Variants in MGAT4C observed in about 807,000 individuals in gnomAD.
The protein encoded by MGAT4C is alpha-1,3-mannosyl-glycoprotein 4-beta-N-acetylglucosaminyltransferase C.
MGAT4C carries 19 observed loss-of-function variants against 40.1 expected under a neutral mutation model. The observed-to-expected ratio is 0.47, with a 90% CI of 0.33 to 0.70. The LOEUF (loss-of-function observed/expected upper bound fraction) is 0.70, where lower values mean the gene tolerates loss of function less well. MGAT4C is among the 30% of genes least tolerant of loss of function. The pLI is 0.02. For synonymous variants in MGAT4C, 181 were observed against 187.1 expected (o/e 0.97, Z 0.27); for missense variants, 491 against 563.2 (o/e 0.87, Z 1.30).
At chr12:86,641,828 T>G (rs1963399716) in intron 2 of MGAT4C, among the ~76,000 whole-genome samples, 1 of 151,886 alleles carries the variant, frequency 6.6e-6, no homozygotes, top group Non-Finnish European at 1.5e-5. Flanking sequence ...GGAACATTAG[T>G]ATTTAACTAA....
intron 1 of MGAT4C, among the ~76,000 whole-genome samples, chr12:86,213,536 C>T (rs1950562982): frequency 6.6e-6 from 1 of 152,044 alleles, no homozygotes; most frequent in Non-Finnish European, 1.5e-5. Flanking sequence ...TATGTAATAG[C>T]TATTTTTTTA....
chr12:86,464,996 A>C (rs1230965742), intron 2 of MGAT4C, among the ~76,000 whole-genome samples: 2 of 152,128 alleles, frequency 1.3e-5, no homozygotes, highest in Non-Finnish European at 2.9e-5. Flanking sequence ...TACTAGCCCT[A>C]TATGGCAAGT....
chr12:86,246,606 C>G (rs1215270216), intron 1 of MGAT4C, among the ~76,000 whole-genome samples: 2 of 152,152 alleles, frequency 1.3e-5, no homozygotes, highest in African/African-American at 4.8e-5. Flanking sequence ...TCTATAAACA[C>G]TTTATTTATT....
chr12:86,823,470 CAG>C (rs1451858088), intron 1 of MGAT4C, among the ~76,000 whole-genome samples: 1 of 150,856 alleles, frequency 6.6e-6, no homozygotes, highest in African/African-American at 2.4e-5. Context: ...AAAAAATTAA[CAG>C]ATAATTACGT....
chr12:86,461,427 A>G (rs1957599278), intron 2 of MGAT4C, among the ~76,000 whole-genome samples: 1 of 151,920 alleles, frequency 6.6e-6, no homozygotes, highest in African/African-American at 2.4e-5. Context: ...TTGTATTTTT[A>G]GTAGAGACGG....
intron 1 of MGAT4C, among the ~76,000 whole-genome samples, chr12:86,066,187 T>C (rs1894524498): frequency 6.6e-6 from 1 of 152,180 alleles, no homozygotes; most frequent in Non-Finnish European, 1.5e-5. Flanking sequence ...ACTGATTTTC[T>C]TCACAGAATC....
intron 2 of MGAT4C, among the ~76,000 whole-genome samples, chr12:86,660,205 T>C (rs1385588079): frequency 6.6e-6 from 1 of 152,088 alleles, no homozygotes; most frequent in African/African-American, 2.4e-5. Flanking sequence ...TTTTGATAGA[T>C]GTAGAGCCAT....
intron 1 of MGAT4C, among the ~76,000 whole-genome samples, chr12:86,761,973 AT>A (rs982645412): frequency 2.6e-5 from 4 of 152,018 alleles, no homozygotes; most frequent in African/African-American, 9.6e-5. Context: ...GGGGGGCATT[AT>A]TTAGCCTGCC....
chr12:86,287,740 A>G (rs1953390487), intron 4 of MGAT4C, among the ~76,000 whole-genome samples: 1 of 152,108 alleles, frequency 6.6e-6, no homozygotes, highest in South Asian at 2.1e-4. Context: ...TTCTTTATCC[A>G]CTGTAATATT....
intron 1 of MGAT4C, among the ~76,000 whole-genome samples, chr12:86,081,825 T>C (rs968735642): frequency 1.3e-5 from 2 of 152,144 alleles, no homozygotes; most frequent in Non-Finnish European, 2.9e-5. Context: ...TCCTAAGATA[T>C]AACATTGCCG....
chr12:86,368,384 C>T (rs61949475), intron 3 of MGAT4C, among the ~76,000 whole-genome samples: 12,892 of 151,908 alleles, frequency 0.085, 759 homozygotes, highest in Middle Eastern at 0.22. Context: ...TTTCTTTTCT[C>T]TATTTTATTT....
At chr12:86,199,225 G>A (rs999171899) in intron 1 of MGAT4C, among the ~76,000 whole-genome samples, 17 of 152,120 alleles carry the variant, frequency 1.1e-4, no homozygotes, top group African/African-American at 2.2e-4. Flanking sequence ...AAGGATGCTC[G>A]TGGAATCCTC....
At chr12:86,447,727 G>A (rs550696744) in intron 2 of MGAT4C, among the ~76,000 whole-genome samples, 1 of 152,192 alleles carries the variant, frequency 6.6e-6, no homozygotes, top group Admixed American at 6.5e-5. Flanking sequence ...AATACAAGTT[G>A]AACAATAGTA....
intron 1 of MGAT4C, among the ~76,000 whole-genome samples, chr12:86,250,295 A>T (rs1022034855): frequency 6.6e-6 from 1 of 150,998 alleles, no homozygotes; most frequent in Non-Finnish European, 1.5e-5. Flanking sequence ...GCTTCATTAA[A>T]ACAAAACAAA....
intron 2 of MGAT4C, among the ~76,000 whole-genome samples, chr12:86,580,668 C>T (rs561026988): frequency 1.3e-5 from 2 of 151,400 alleles, no homozygotes; most frequent in African/African-American, 2.4e-5. Context: ...TCAAACCTTG[C>T]ATCTTTTAAT....
chr12:86,385,048 TG>T (rs1276889171), intron 3 of MGAT4C, among the ~76,000 whole-genome samples: 1 of 152,238 alleles, frequency 6.6e-6, no homozygotes, highest in African/African-American at 2.4e-5. Flanking sequence ...TGAAAGTTAA[TG>T]TTACCATTTA....
chr12:86,635,626 C>T (rs1324697701), intron 2 of MGAT4C, among the ~76,000 whole-genome samples: 3 of 151,350 alleles, frequency 2.0e-5, no homozygotes, highest in Admixed American at 2.0e-4. Context: ...GATTATAATA[C>T]CACATTTTTA....
Position 86,359,349 on chromosome 12 carries a change from G to A in MGAT4C, c.-119-25222C>T, listed in dbSNP as rs192293126. ...AGCCGTGTGTAGAGGGAAATTTATA[G>A]CACTAAATGCCCACAAGAGAAAGAG... is the stretch of plus-strand genomic sequence containing the variant. On this transcript the variant is annotated intron_variant, in intron 3 of 7. Coordinates refer to the MGAT4C transcript ENST00000548651. 2.7e-4 allele frequency among the ~76,000 whole-genome samples: 41 copies of A among 152,238 alleles called. 1 individual carries two copies. In the East Asian group the frequency reaches 7.5e-3, roughly 28 times the overall value.
In MGAT4C at chr12:86,024,164, A is replaced by G. The variant is rs940494416; in HGVS notation, c.-7+25510T>C. Among the ~76,000 whole-genome samples, 4 of 151,930 alleles carry G rather than the reference A, an allele frequency of 2.6e-5. No homozygotes were observed. In the East Asian group the frequency reaches 5.8e-4, roughly 22 times the overall value. On this transcript the variant is annotated intron_variant, in intron 2 of 4. Coordinates refer to ENST00000611864, the MANE Select transcript of MGAT4C (RefSeq NM_001351288.2). ...TAAAATATGCATATACCCATTAACC[A>G]TCCCTTCTTTCCAGCTTCAGGTAAT...
Sources: allele counts gnomAD v4.1 joint callset (sites outside exome capture counted in the v4.1 genomes callset), GRCh38; gene constraint gnomAD v4.1.1; transcripts MANE v1.5; gene names NCBI Gene and HGNC (gene_info 2026-07-23, HGNC 2026-07-21).